The following ITSN1 variants were observed in gnomAD, a reference collection of about 807,000 sequenced individuals.
ITSN1 encodes the protein intersectin 1.
In ITSN1, 58 loss-of-function variants were observed where a neutral mutation model predicts 239.8. The observed-to-expected ratio is 0.24, with a 90% confidence interval of 0.20 to 0.30. ITSN1 has a LOEUF of 0.30. Ranked by LOEUF, ITSN1 falls within the 10% of genes least tolerant of loss-of-function variation. The pLI is 1.00. For synonymous variants in ITSN1, 780 were observed against 770.8 expected (o/e 1.01, Z -0.20); for missense variants, 1,558 against 2,103.3 (o/e 0.74, Z 5.07).
intron 1 of ITSN1, among the ~76,000 whole-genome samples, chr21:33,651,877 A>G (rs2088566695): frequency 6.6e-6 from 1 of 152,178 alleles, no homozygotes; most frequent in South Asian, 2.1e-4. Context: ...TTAGTTTTAA[A>G]CCACAGTCAT....
Position 33,802,449 on chromosome 21 carries a change from G to A in ITSN1, c.2319+5G>A. 1 of 1,613,712 alleles carries A rather than the reference G, an allele frequency of 6.2e-7. No individual in the cohort carries two copies. The highest frequency in any genetic ancestry group is 8.5e-7 in the Non-Finnish European group (1 of 1,179,772). ...GTGGAGGTTAAAGGGGAATGGGTAA[G>A]TGTTGCCTAACTGTCAGGAAGTCTG... is the stretch of plus-strand genomic sequence containing the variant. On this transcript the variant is annotated splice_donor_5th_base_variant and intron_variant, in intron 20 of 39. Transcript: ENST00000381318.
rs117067853 is a variant in ITSN1 at position 33,652,532 on chromosome 21, T to G, written c.-33+9819T>G. ...TTGCTGGACCTATAGATTCTTTGTCTTTTTGCTTTTTAATAAAGATAGGTA... is the reference window on the plus strand; with the variant it reads ...TTGCTGGACCTATAGATTCTTTGTCGTTTTGCTTTTTAATAAAGATAGGTA... On this transcript the variant is annotated intron_variant, in intron 1 of 39. Transcript: ENST00000381318. Among the ~76,000 whole-genome samples, 113 of 152,246 alleles carry G rather than the reference T, an allele frequency of 7.4e-4. No homozygotes were observed. In the East Asian group the frequency reaches 0.02, roughly 28 times the overall value.
intron 34 of ITSN1, among the ~76,000 whole-genome samples, chr21:33,876,312 C>T (rs1469864684): frequency 1.4e-5 from 2 of 146,146 alleles, no homozygotes; most frequent in Non-Finnish European, 3.0e-5. Flanking sequence ...CTTTCTCCTT[C>T]CTTCCTTCCT....
chr21:33,714,128 C>T (rs919242719), intron 1 of ITSN1, among the ~76,000 whole-genome samples: 1 of 152,040 alleles, frequency 6.6e-6, no homozygotes, highest in Non-Finnish European at 1.5e-5. Flanking sequence ...CCGCCCCTGG[C>T]CCAGCCTCAT....
intron 1 of ITSN1, among the ~76,000 whole-genome samples, chr21:33,713,294 C>T (rs1342779813): frequency 2.0e-4 from 31 of 151,976 alleles, no homozygotes; most frequent in Admixed American, 2.0e-3. Flanking sequence ...GGCTGGAGTG[C>T]GGTGGCACGA....
intron 34 of ITSN1, among the ~76,000 whole-genome samples, chr21:33,880,149 G>A (rs774396692): frequency 3.3e-5 from 5 of 152,182 alleles, no homozygotes; most frequent in East Asian, 1.9e-4. Context: ...CTAGGATCAC[G>A]GTGTGGACCA....
chr21:33,822,069 T>C (rs577138558), intron 24 of ITSN1, among the ~76,000 whole-genome samples: 1 of 152,356 alleles, frequency 6.6e-6, no homozygotes, highest in East Asian at 1.9e-4. Context: ...TCTTCTGTTT[T>C]CCCTGGGACG....
chr21:33,840,883 TAC>T (rs2074799740), intron 29 of ITSN1, among the ~76,000 whole-genome samples: 1 of 152,240 alleles, frequency 6.6e-6, no homozygotes, highest in Admixed American at 6.5e-5. Flanking sequence ...GAACTTTGGG[TAC>T]AGTTTTGCTC....
chr21:33,690,795 ATATATATATATATATATATG>A (rs1483549462), intron 1 of ITSN1, among the ~76,000 whole-genome samples: 1,196 of 24,152 alleles, frequency 0.05, 232 homozygotes, highest in Non-Finnish European at 0.065. Context: ...ATATACATAT[ATATATATATATATATATATG>A]TATATATATA....
intron 34 of ITSN1, among the ~76,000 whole-genome samples, chr21:33,880,926 T>C (rs938426513): frequency 1.3e-5 from 2 of 151,930 alleles, no homozygotes; most frequent in African/African-American, 4.8e-5. Context: ...CTCTGCCCCT[T>C]CAGAACCTAG....
chr21:33,706,479 CA>C (rs370383959), intron 1 of ITSN1, among the ~76,000 whole-genome samples: 16,347 of 133,486 alleles, frequency 0.12, 1,095 homozygotes, highest in African/African-American at 0.23. Context: ...CATTTATTAC[CA>C]AAAAAAAAAA....
intron 39 of ITSN1, among the ~76,000 whole-genome samples, chr21:33,886,678 C>T (rs1470094824): frequency 6.6e-6 from 1 of 152,144 alleles, no homozygotes; most frequent in Non-Finnish European, 1.5e-5. Flanking sequence ...TAGAATTGTG[C>T]CAGCTGCCCT....
chr21:33,729,241 A>C (rs180740591), intron 4 of ITSN1, among the ~76,000 whole-genome samples: 1 of 152,160 alleles, frequency 6.6e-6, no homozygotes, highest in Non-Finnish European at 1.5e-5. Flanking sequence ...ACTTGAGCCC[A>C]GGAGTTTGAG....
At chr21:33,725,336 A>G (rs756590696) in intron 4 of ITSN1, among the ~76,000 whole-genome samples, 2 of 151,550 alleles carry the variant, frequency 1.3e-5, no homozygotes, top group East Asian at 2.0e-4. Flanking sequence ...GGATTTCACC[A>G]TGTTGGTCAT....
intron 24 of ITSN1, among the ~76,000 whole-genome samples, chr21:33,822,289 C>A (rs907534404): frequency 1.3e-5 from 2 of 152,138 alleles, no homozygotes; most frequent in African/African-American, 4.8e-5. Context: ...GATAATCAAC[C>A]GAAGGAGTTC....
At chr21:33,704,904 T>C (rs930397467) in intron 1 of ITSN1, among the ~76,000 whole-genome samples, 11 of 119,230 alleles carry the variant, frequency 9.2e-5, no homozygotes, top group African/African-American at 1.3e-4. Flanking sequence ...CTGGCTAACA[T>C]GGAGAAACCC....
intron 1 of ITSN1, among the ~76,000 whole-genome samples, chr21:33,715,019 T>C (rs1346830177): frequency 1.3e-5 from 2 of 152,116 alleles, no homozygotes; most frequent in Non-Finnish European, 2.9e-5. Context: ...GAAAAAAATT[T>C]AGCCATTTCT....
At chr21:33,852,398 A>C (rs1978489120) in intron 29 of ITSN1, among the ~76,000 whole-genome samples, 1 of 152,204 alleles carries the variant, frequency 6.6e-6, no homozygotes, top group African/African-American at 2.4e-5. Context: ...TTTTACCCTG[A>C]ATGCTCTGTA....
intron 11 of ITSN1, among the ~76,000 whole-genome samples, chr21:33,770,244 G>A (rs1420290622): frequency 1.3e-5 from 2 of 151,658 alleles, no homozygotes; most frequent in African/African-American, 2.4e-5. Flanking sequence ...TTTATTTTTA[G>A]TAGAGATAGG....
Sources: gnomAD v4.1 joint callset for allele counts (sites outside exome capture counted in the v4.1 genomes callset) on GRCh38, gnomAD v4.1.1 for gene constraint, MANE v1.5 for transcripts, NCBI Gene and HGNC (gene_info 2026-07-23, HGNC 2026-07-21) for gene names.